Variants in MYOM2 observed in about 807,000 individuals in gnomAD.
The protein encoded by MYOM2 is myomesin 2.
A neutral mutation model predicts 187.6 loss-of-function variants in MYOM2; 254 were observed. The observed-to-expected ratio is 1.35, with a 90% CI of 1.22 to 1.50. MYOM2 has a LOEUF of 1.50. Ranked by LOEUF, MYOM2 falls within the 40% of genes most tolerant of loss-of-function variation. MYOM2 has a pLI of 0.00. For synonymous variants in MYOM2, 981 were observed against 753.8 expected (o/e 1.30, Z -4.94); for missense variants, 2,796 against 1,924.0 (o/e 1.45, Z -8.48).
intron 32 of MYOM2, among the ~76,000 whole-genome samples, chr8:2,132,987 C>T (rs533048773): frequency 1.3e-5 from 2 of 152,246 alleles, no homozygotes; most frequent in Non-Finnish European, 2.9e-5. Flanking sequence ...GGTGACGGGA[C>T]GTTCCCTTTG....
chr8:2,123,070 T>G (rs1166605480), intron 28 of MYOM2, among the ~76,000 whole-genome samples, 182 bp from the exon 29 acceptor site: 1 of 152,190 alleles, frequency 6.6e-6, no homozygotes. Flanking sequence ...AGCTGGAATT[T>G]AGAAATGTGT....
At chr8:2,102,622 T>G (rs770399076) in intron 20 of MYOM2, 45 bp from the exon 21 acceptor site, 1 of 1,389,986 alleles carries the variant, frequency 7.2e-7, no homozygotes, top group Non-Finnish European at 1.0e-6. Flanking sequence ...CACAGTCATC[T>G]TTATTTTACC....
intron 8 of MYOM2, among the ~76,000 whole-genome samples, chr8:2,071,606 C>G (rs953146545): frequency 4.6e-5 from 7 of 152,218 alleles, no homozygotes; most frequent in Non-Finnish European, 8.8e-5. Context: ...GGTCTTCACA[C>G]ACGATCAGGT....
At chr8:2,119,955 T>G (rs577018055) in intron 28 of MYOM2, among the ~76,000 whole-genome samples, 7 of 152,176 alleles carry the variant, frequency 4.6e-5, no homozygotes, top group African/African-American at 1.7e-4. Context: ...TCACACTCTT[T>G]CCAGTGAAGG....
intron 9 of MYOM2, 107 bp from the exon 10 acceptor site, chr8:2,073,232 A>G: frequency 1.6e-6 from 2 of 1,263,208 alleles, no homozygotes; most frequent in Non-Finnish European, 2.2e-6. Flanking sequence ...CGTGGTGTCC[A>G]GCTCGACTGT....
At chr8:2,069,623 C>G in intron 8 of MYOM2, 126 bp downstream of exon 8, 1 of 1,231,824 alleles carries the variant, frequency 8.1e-7, no homozygotes, top group Non-Finnish European at 1.2e-6. Context: ...ACTCTGTCAC[C>G]CAGGCTGGAG....
chr8:2,132,783 C>G (rs754590469), intron 32 of MYOM2, among the ~76,000 whole-genome samples: 5 of 152,192 alleles, frequency 3.3e-5, no homozygotes, highest in Non-Finnish European at 5.9e-5. Context: ...TATTTTAATT[C>G]ATTTCAGGAG....
chr8:2,050,072 G>C (rs1294309875), intron 1 of MYOM2, among the ~76,000 whole-genome samples: 1 of 152,062 alleles, frequency 6.6e-6, no homozygotes, highest in East Asian at 1.9e-4. Flanking sequence ...ATCCCCCTTT[G>C]CATGGTGGAG....
intron 30 of MYOM2, 61 bp from the exon 31 acceptor site, chr8:2,124,117 GA>G (rs1464417985): frequency 4.3e-5 from 64 of 1,496,490 alleles, no homozygotes; most frequent in Non-Finnish European, 5.0e-5. Flanking sequence ...ATTAAACATT[GA>G]AAATGCTGCT....
chr8:2,114,498 G>C (rs1264778370), intron 25 of MYOM2, among the ~76,000 whole-genome samples: 1 of 152,054 alleles, frequency 6.6e-6, no homozygotes, highest in African/African-American at 2.4e-5. Context: ...TTTTGAGACA[G>C]AGTCTCACTC....
chr8:2,071,396 G>A (rs1056178632), intron 8 of MYOM2, among the ~76,000 whole-genome samples: 2 of 152,020 alleles, frequency 1.3e-5, no homozygotes, highest in Non-Finnish European at 2.9e-5. Context: ...TGACATGTAT[G>A]TACTTCTCCC....
At chr8:2,067,095 G>A (rs1585842760) in intron 6 of MYOM2, among the ~76,000 whole-genome samples, 1 of 152,208 alleles carries the variant, frequency 6.6e-6, no homozygotes, top group South Asian at 2.1e-4. Context: ...GGAGGGGAAA[G>A]AATTCTCAGT....
intron 6 of MYOM2, among the ~76,000 whole-genome samples, chr8:2,060,587 G>A (rs1001157260): frequency 1.3e-5 from 2 of 152,184 alleles, no homozygotes; most frequent in African/African-American, 2.4e-5. Flanking sequence ...CTGTAAAGCA[G>A]TGAGTGCATC....
At chr8:2,137,897 C>T (rs77627832) in intron 32 of MYOM2, among the ~76,000 whole-genome samples, 7,502 of 152,228 alleles carry the variant, frequency 0.049, 561 homozygotes, top group African/African-American at 0.15. Context: ...GTCTCTTTGC[C>T]TTCAGGTCTC....
At chr8:2,099,669 C>G (rs1418911193) in intron 19 of MYOM2, among the ~76,000 whole-genome samples, 1 of 152,214 alleles carries the variant, frequency 6.6e-6, no homozygotes, top group East Asian at 1.9e-4. Flanking sequence ...ATCTTCCTGC[C>G]TCAGCCTTAT....
chr8:2,123,228 A>C, intron 28 of MYOM2, 24 bp from the exon 29 acceptor site: 1 of 1,493,008 alleles, frequency 6.7e-7, no homozygotes, highest in Non-Finnish European at 9.3e-7. Flanking sequence ...TTTACACACT[A>C]AACTTAAGCT....
intron 25 of MYOM2, among the ~76,000 whole-genome samples, chr8:2,110,167 T>G (rs1181338920): frequency 6.6e-6 from 1 of 152,062 alleles, no homozygotes; most frequent in Non-Finnish European, 1.5e-5. Context: ...TACAAAAACT[T>G]AAGAAATTAG....
chr8:2,127,364 C>G (rs140942761), intron 31 of MYOM2, among the ~76,000 whole-genome samples: 54 of 152,288 alleles, frequency 3.5e-4, no homozygotes, highest in Non-Finnish European at 6.3e-4. Context: ...CCCTCCAAGT[C>G]CTGAGCTCAC....
intron 10 of MYOM2, among the ~76,000 whole-genome samples, chr8:2,074,994 C>G (rs760425801): frequency 2.6e-5 from 4 of 152,250 alleles, no homozygotes; most frequent in Non-Finnish European, 4.4e-5. Context: ...CACCTTCCCA[C>G]CTGCCTCCAG....
Sources: allele counts gnomAD v4.1 joint callset (sites outside exome capture counted in the v4.1 genomes callset), GRCh38; gene constraint gnomAD v4.1.1; transcripts MANE v1.5; gene names NCBI Gene and HGNC (gene_info 2026-07-23, HGNC 2026-07-21).